Variants in CTNND2 observed in about 807,000 individuals in gnomAD.
CTNND2 encodes the protein catenin delta-2.
Under a neutral mutation model 144.4 loss-of-function variants are expected in CTNND2, and 22 were observed. The observed-to-expected ratio is 0.15, with a 90% CI of 0.11 to 0.22. The LOEUF (loss-of-function observed/expected upper bound fraction) is 0.22. CTNND2 is among the 10% of genes least tolerant of loss of function. CTNND2 has a pLI of 1.00. For synonymous variants in CTNND2, 751 were observed against 695.6 expected (o/e 1.08, Z -1.25); for missense variants, 1,353 against 1,618.8 (o/e 0.84, Z 2.82).
At chr5:11,653,070 CGTGTGTGTGTGTGTGTGTGT>C (rs58056553) in intron 2 of CTNND2, among the ~76,000 whole-genome samples, 29 of 143,502 alleles carry the variant, frequency 2.0e-4, no homozygotes, top group Non-Finnish European at 3.0e-4. Flanking sequence ...GAACAAAATT[CGTGTGTGTGTGTGTGTGTGT>C]GTGTGTGTGT....
chr5:11,838,962 T>C (rs1422186638), intron 1 of CTNND2, among the ~76,000 whole-genome samples: 2 of 152,170 alleles, frequency 1.3e-5, no homozygotes, highest in African/African-American at 2.4e-5. Flanking sequence ...AACAGCTCAA[T>C]AAATATTGTG....
At chr5:11,431,478 C>T (rs1041821704) in intron 3 of CTNND2, among the ~76,000 whole-genome samples, 1 of 152,204 alleles carries the variant, frequency 6.6e-6, no homozygotes, top group Non-Finnish European at 1.5e-5. Flanking sequence ...TGAAGTGATG[C>T]TCTGAAGCTT....
chr5:11,171,951 T>G (rs1209740018), intron 11 of CTNND2, among the ~76,000 whole-genome samples: 1 of 152,184 alleles, frequency 6.6e-6, no homozygotes, highest in East Asian at 1.9e-4. Flanking sequence ...CCTAAAATAT[T>G]AATTGAGTAA....
intron 3 of CTNND2, among the ~76,000 whole-genome samples, chr5:11,525,483 G>A (rs1304838062): frequency 6.6e-6 from 1 of 152,098 alleles, no homozygotes; most frequent in East Asian, 1.9e-4. Context: ...TCAGATCTCA[G>A]CCTTTGTAAA....
chr5:11,748,482 TG>T (rs1788436563), intron 1 of CTNND2, among the ~76,000 whole-genome samples: 1 of 152,144 alleles, frequency 6.6e-6, no homozygotes, highest in South Asian at 2.1e-4. Flanking sequence ...TAATTTTAAA[TG>T]GACAAATAAT....
At chr5:11,667,305 T>C (rs1783622217) in intron 2 of CTNND2, among the ~76,000 whole-genome samples, 1 of 152,168 alleles carries the variant, frequency 6.6e-6, no homozygotes, top group Non-Finnish European at 1.5e-5. Context: ...CTGGGTCAAA[T>C]GTTATTTCTA....
intron 1 of CTNND2, among the ~76,000 whole-genome samples, chr5:11,852,450 A>C (rs1013994226): frequency 3.3e-5 from 5 of 152,254 alleles, no homozygotes; most frequent in African/African-American, 1.2e-4. Context: ...GAGAGAACTG[A>C]GAAAAATACT....
intron 1 of CTNND2, among the ~76,000 whole-genome samples, chr5:11,833,293 T>A (rs1394517571): frequency 6.6e-6 from 1 of 152,186 alleles, no homozygotes; most frequent in Non-Finnish European, 1.5e-5. Context: ...CTACTCAGTA[T>A]TTTTTTAATG....
intron 2 of CTNND2, among the ~76,000 whole-genome samples, chr5:11,586,747 T>C (rs945209974): frequency 2.6e-5 from 4 of 152,176 alleles, no homozygotes; most frequent in South Asian, 2.1e-4. Flanking sequence ...TTTAAACACT[T>C]GAAACTATTT....
At chr5:11,877,691 CAAT>C (rs1244748361) in intron 1 of CTNND2, among the ~76,000 whole-genome samples, 2 of 144,272 alleles carry the variant, frequency 1.4e-5, no homozygotes, top group Admixed American at 1.4e-4. Context: ...TTCCCACCTT[CAAT>C]AATGATAGTT....
At chr5:11,690,437 CCTT>C (rs1221516009) in intron 2 of CTNND2, among the ~76,000 whole-genome samples, 1 of 152,084 alleles carries the variant, frequency 6.6e-6, no homozygotes, top group Non-Finnish European at 1.5e-5. Flanking sequence ...TTCTGTAACT[CCTT>C]CTATTCACCT....
chr5:11,128,864 AATAT>A (rs1471439080), intron 12 of CTNND2, among the ~76,000 whole-genome samples: 1 of 67,742 alleles, frequency 1.5e-5, no homozygotes, highest in Non-Finnish European at 2.7e-5. Flanking sequence ...TAATATATAT[AATAT>A]ATAAATATAT....
intron 12 of CTNND2, among the ~76,000 whole-genome samples, chr5:11,144,367 G>A (rs34061113): frequency 0.13 from 19,812 of 152,108 alleles, 1,677 homozygotes; most frequent in East Asian, 0.43. Context: ...GGGAGGCAAC[G>A]GAGGGTCGGG....
intron 11 of CTNND2, among the ~76,000 whole-genome samples, chr5:11,189,463 A>G (rs975264290): frequency 2.0e-5 from 3 of 152,134 alleles, no homozygotes; most frequent in African/African-American, 2.4e-5. Flanking sequence ...AGCCTACTCA[A>G]TACAAAGATG....
At chr5:11,302,095 C>T (rs180930717) in intron 9 of CTNND2, among the ~76,000 whole-genome samples, 324 of 152,278 alleles carry the variant, frequency 2.1e-3, no homozygotes, top group Admixed American at 5.0e-3. Flanking sequence ...AATTTGCTTT[C>T]CTTGACTTGT....
intron 9 of CTNND2, among the ~76,000 whole-genome samples, chr5:11,262,759 C>G (rs1339895622): frequency 6.8e-5 from 1 of 14,810 alleles, no homozygotes. Context: ...AAGACTCTGT[C>G]TCAAAAAAAA....
chr5:11,319,066 A>G (rs1313478688), intron 9 of CTNND2, among the ~76,000 whole-genome samples: 1 of 152,104 alleles, frequency 6.6e-6, no homozygotes, highest in Non-Finnish European at 1.5e-5. Context: ...TTTACTCTTG[A>G]GCAAACTGAG....
intron 1 of CTNND2, among the ~76,000 whole-genome samples, chr5:11,768,573 G>C (rs1305846534): frequency 6.6e-6 from 1 of 152,230 alleles, no homozygotes; most frequent in East Asian, 1.9e-4. Context: ...TTATAGGTGT[G>C]TGCCACCACA....
At chr5:11,601,124 T>C (rs933291611) in intron 2 of CTNND2, among the ~76,000 whole-genome samples, 1 of 152,172 alleles carries the variant, frequency 6.6e-6, no homozygotes, top group Non-Finnish European at 1.5e-5. Flanking sequence ...CTAAGGACTA[T>C]GCGAATAACG....
Sources: gnomAD v4.1 joint callset for allele counts (sites outside exome capture counted in the v4.1 genomes callset) on GRCh38, gnomAD v4.1.1 for gene constraint, MANE v1.5 for transcripts, NCBI Gene and HGNC (gene_info 2026-07-23, HGNC 2026-07-21) for gene names.